FAM107B: variants seen among roughly 807,000 people sequenced by gnomAD.
FAM107B encodes protein FAM107B.
In FAM107B, 21 loss-of-function variants were observed where a neutral mutation model predicts 31.5. The observed-to-expected ratio is 0.67, with a 90% CI of 0.47 to 0.96. The LOEUF is 0.96. Ranked by LOEUF, FAM107B falls within the 40% of genes least tolerant of loss-of-function variation. The probability of loss-of-function intolerance (pLI) is 0.00; values close to 1 mark genes in which losing one functional copy is unlikely to be tolerated. For missense variants in FAM107B, 452 were observed against 377.1 expected (o/e 1.20, Z -1.64); for synonymous variants, 157 against 141.5 (o/e 1.11, Z -0.78).
intron 2 of FAM107B, among the ~76,000 whole-genome samples, chr10:14,647,364 C>T (rs1235937575): frequency 6.6e-6 from 1 of 152,114 alleles, no homozygotes; most frequent in Non-Finnish European, 1.5e-5. Context: ...TAGGCAGAGA[C>T]GTATAACCAT....
intron 1 of FAM107B, among the ~76,000 whole-genome samples, chr10:14,761,625 A>C (rs1440757480): frequency 6.6e-6 from 1 of 151,914 alleles, no homozygotes; most frequent in Non-Finnish European, 1.5e-5. Flanking sequence ...TTTTTGCGAC[A>C]GTCTCGGTCT....
intron 2 of FAM107B, among the ~76,000 whole-genome samples, chr10:14,585,971 G>T (rs7900366): frequency 6.6e-6 from 1 of 152,160 alleles, no homozygotes; most frequent in African/African-American, 2.4e-5. Context: ...CCCTCAGGGG[G>T]TTCTCCTGCC....
chr10:14,524,281 C>T (rs954956107), intron 3 of FAM107B, among the ~76,000 whole-genome samples: 4 of 151,978 alleles, frequency 2.6e-5, no homozygotes, highest in Non-Finnish European at 5.9e-5. Context: ...GAGCTCAAGC[C>T]GTCTACCTGC....
chr10:14,575,757 A>C (rs1851445778), intron 2 of FAM107B, among the ~76,000 whole-genome samples: 1 of 152,126 alleles, frequency 6.6e-6, no homozygotes, highest in Admixed American at 6.5e-5. Context: ...CAATACAAAT[A>C]CCCCATATGG....
At chr10:14,715,436 A>G (rs1855758653) in intron 1 of FAM107B, among the ~76,000 whole-genome samples, 1 of 152,250 alleles carries the variant, frequency 6.6e-6, no homozygotes, top group East Asian at 1.9e-4. Flanking sequence ...AGTTTGTATT[A>G]GTTATCTATC....
chr10:14,578,904 A>G (rs1296979985), intron 2 of FAM107B, among the ~76,000 whole-genome samples: 1 of 152,224 alleles, frequency 6.6e-6, no homozygotes, highest in Non-Finnish European at 1.5e-5. Context: ...TGATTACTCA[A>G]TCAGGGTCTC....
At chr10:14,754,507 C>T (rs983975034) in intron 1 of FAM107B, among the ~76,000 whole-genome samples, 3 of 152,222 alleles carry the variant, frequency 2.0e-5, no homozygotes, top group African/African-American at 7.2e-5. Flanking sequence ...TCTCCCTGCT[C>T]ATCTCTCTCT....
intron 3 of FAM107B, chr10:14,529,834 T>G (rs1846746981): frequency 6.6e-6 from 1 of 152,428 alleles, no homozygotes; most frequent in African/African-American, 2.4e-5. Context: ...ATAATAATCT[T>G]TTAAAATGCT....
At chr10:14,715,032 G>A (rs905681682) in intron 1 of FAM107B, among the ~76,000 whole-genome samples, 4 of 152,050 alleles carry the variant, frequency 2.6e-5, no homozygotes, top group Admixed American at 1.3e-4. Context: ...GTCACTAATG[G>A]GCAAAGTCCA....
chr10:14,592,550 T>C (rs1275072252), intron 2 of FAM107B, among the ~76,000 whole-genome samples: 1 of 152,172 alleles, frequency 6.6e-6, no homozygotes, highest in Non-Finnish European at 1.5e-5. Flanking sequence ...ACCCAGGGGT[T>C]TTGTAGTTTG....
chr10:14,701,182 T>C (rs1186928300), intron 1 of FAM107B, among the ~76,000 whole-genome samples: 1 of 152,178 alleles, frequency 6.6e-6, no homozygotes, highest in Non-Finnish European at 1.5e-5. Context: ...AATAAATTTA[T>C]TTTTTAAAAG....
intron 1 of FAM107B, among the ~76,000 whole-genome samples, chr10:14,735,227 C>T (rs1455119389): frequency 6.6e-6 from 1 of 152,210 alleles, no homozygotes. Flanking sequence ...GGGCCTGGGA[C>T]AGCTTTCAAG....
At chr10:14,742,926 C>T (rs1378343324) in intron 1 of FAM107B, among the ~76,000 whole-genome samples, 1 of 152,208 alleles carries the variant, frequency 6.6e-6, no homozygotes, top group African/African-American at 2.4e-5. Context: ...TGACGTCTTT[C>T]CACCAAGATC....
At chr10:14,642,141 A>G (rs1262016264) in intron 2 of FAM107B, among the ~76,000 whole-genome samples, 1 of 152,240 alleles carries the variant, frequency 6.6e-6, no homozygotes, top group Non-Finnish European at 1.5e-5. Context: ...ACCCCAAGCA[A>G]GTCCAAAACC....
At chr10:14,763,083 C>A (rs961589094) in intron 1 of FAM107B, among the ~76,000 whole-genome samples, 12 of 151,980 alleles carry the variant, frequency 7.9e-5, no homozygotes, top group Non-Finnish European at 1.6e-4. Context: ...GCCAACATGG[C>A]AAACCCCATC....
chr10:14,666,547 C>A (rs1415775124), intron 2 of FAM107B, among the ~76,000 whole-genome samples: 1 of 151,988 alleles, frequency 6.6e-6, no homozygotes, highest in Non-Finnish European at 1.5e-5. Context: ...AGAGCCAAAC[C>A]ATAACAGATT....
intron 1 of FAM107B, among the ~76,000 whole-genome samples, chr10:14,717,853 A>G (rs1471785489): frequency 1.3e-5 from 2 of 152,206 alleles, no homozygotes; most frequent in African/African-American, 4.8e-5. Context: ...CAACTATCTC[A>G]GAAACAGACA....
intron 2 of FAM107B, among the ~76,000 whole-genome samples, chr10:14,551,488 G>C (rs1849258028): frequency 6.6e-6 from 1 of 151,914 alleles, no homozygotes; most frequent in South Asian, 2.1e-4. Context: ...CCAATTATTT[G>C]TGAGTATACT....
rs971755306 is a variant in FAM107B at position 14,725,245 on chromosome 10, C to A, written c.411+49008G>T. Among the ~76,000 whole-genome samples the A allele has an allele frequency of 1.6e-4, 24 of 152,234 alleles. 1 individual carries two copies. In the East Asian group the frequency reaches 4.2e-3, roughly 27 times the overall value. On this transcript the variant is annotated intron_variant, in intron 1 of 4. Transcript: ENST00000181796. ...GGCTGAGTTTTCTAGAAGCTAGAAA[C>A]TCTACTTGCAAGTAGAGACACTTAG...
Sources: gnomAD v4.1 joint callset for allele counts (sites outside exome capture counted in the v4.1 genomes callset) on GRCh38, gnomAD v4.1.1 for gene constraint, MANE v1.5 for transcripts, NCBI Gene and HGNC (gene_info 2026-07-23, HGNC 2026-07-21) for gene names.